Variants in RRM2 observed in about 807,000 individuals in gnomAD.
RRM2 encodes ribonucleoside-diphosphate reductase subunit M2.
A neutral mutation model predicts 45.9 loss-of-function variants in RRM2; 6 were observed. The ratio of observed to expected loss-of-function variants is 0.13; its 90% CI spans 0.07 to 0.26. The LOEUF is 0.26. Among genes scored for constraint, RRM2 ranks in the 10% least tolerant of loss-of-function variants. The pLI is 1.00. For missense variants in RRM2, 343 were observed against 489.5 expected, an observed-to-expected ratio of 0.70 and a Z score of 2.82; for synonymous variants, 177 against 173.0, an observed-to-expected ratio of 1.02 and a Z score of -0.18.
At chr2:10,180,505 T>C (rs1664023407) in intron 3 of RRM2, among the ~76,000 whole-genome samples, 1 of 152,190 alleles carries the variant, frequency 6.6e-6, no homozygotes, top group African/African-American at 2.4e-5. Flanking sequence ...GCATCAAATG[T>C]CAGCCACTGC....
At chr2:10,189,178 G>A (rs1572526049) in intron 3 of RRM2, among the ~76,000 whole-genome samples, 1 of 152,234 alleles carries the variant, frequency 6.6e-6, no homozygotes, top group African/African-American at 2.4e-5. Context: ...CCACCTGGCC[G>A]AGGAGGTGCT....
intron 3 of RRM2, among the ~76,000 whole-genome samples, chr2:10,181,261 C>T (rs1262744829): frequency 6.6e-6 from 1 of 152,180 alleles, no homozygotes; most frequent in Non-Finnish European, 1.5e-5. Flanking sequence ...TTAATTTGCC[C>T]AAAGACATGC....
chr2:10,123,901 T>C, intron 4 of RRM2, 49 bp downstream of exon 4: 1 of 1,018,956 alleles, frequency 9.8e-7, no homozygotes. Context: ...CGATCTGAGG[T>C]CGAACTAGTT....
chr2:10,152,115 A>G (rs1230320558), intron 3 of RRM2, among the ~76,000 whole-genome samples: 6 of 151,452 alleles, frequency 4.0e-5, no homozygotes, highest in African/African-American at 7.3e-5. Context: ...CGCCCAGCTA[A>G]TTTTTTGTAT....
intron 4 of RRM2, 145 bp from the exon 5 acceptor site, chr2:10,124,571 AT>A (rs1307918245): frequency 1.4e-5 from 12 of 864,556 alleles, no homozygotes; most frequent in Non-Finnish European, 2.1e-5. Context: ...ATGACATAAA[AT>A]ATCAAAGAAT....
chr2:10,157,495 C>T (rs1663459044), intron 3 of RRM2, among the ~76,000 whole-genome samples: 1 of 152,190 alleles, frequency 6.6e-6, no homozygotes, highest in Non-Finnish European at 1.5e-5. Flanking sequence ...TGGCTCCTCC[C>T]AGTCCTGACC....
chr2:10,190,245 ATGG>A (rs1320607819), intron 3 of RRM2, among the ~76,000 whole-genome samples: 9 of 141,694 alleles, frequency 6.4e-5, no homozygotes, highest in African/African-American at 8.0e-5. Context: ...GATGGTGGTG[ATGG>A]TGGTGGTGGT....
chr2:10,200,088 C>G (rs1476731124), intron 3 of RRM2, among the ~76,000 whole-genome samples: 1 of 152,174 alleles, frequency 6.6e-6, no homozygotes, highest in Non-Finnish European at 1.5e-5. Flanking sequence ...CCATGTCAGC[C>G]TCCCAAAGTG....
chr2:10,123,701 C>A (rs1382529794), intron 3 of RRM2, 35 bp from the exon 4 acceptor site: 1 of 1,450,792 alleles, frequency 6.9e-7, no homozygotes, highest in East Asian at 2.3e-5. Context: ...TTACTCTCTT[C>A]CTTTTATGCT....
chr2:10,122,696 G>A (rs1269493425), upstream of RRM2: 3 of 1,550,790 alleles, frequency 1.9e-6, no homozygotes, highest in East Asian at 4.9e-5. Context: ...CCGGGAGCGC[G>A]CGGCGCGGGA....
chr2:10,192,041 T>TC (rs1405713582), intron 3 of RRM2, among the ~76,000 whole-genome samples: 2 of 152,008 alleles, frequency 1.3e-5, no homozygotes, highest in Non-Finnish European at 2.9e-5. Context: ...CAGAGGGGAC[T>TC]CACCCAGAGG....
rs140094271 is a variant in RRM2 at position 10,123,130 on chromosome 2, C to T, written c.174+73C>T. The T allele has an allele frequency of 1.4e-5, 21 of 1,474,542 alleles. No homozygotes were observed. The African/African-American group carries it at 2.8e-4, about 20-fold the overall frequency. The allele number at this position is 1,474,542 out of a possible 1,614,324, so 91.3% of individuals were successfully genotyped here. A position where few individuals can be genotyped will look rare whatever the true frequency, so the allele number is the denominator to read the frequency against. ...CTTGGCGCCAAAGCCGCATTGTTTC[C>T]TCAGCTGTTCACACTCCCGCCCCGG... On this transcript the variant is annotated intron_variant, in intron 2 of 9. Coordinates refer to ENST00000304567, the MANE Select transcript of RRM2 (RefSeq NM_001034.4).
At chr2:10,160,272 A>G (rs901019486) in intron 3 of RRM2, among the ~76,000 whole-genome samples, 7 of 152,126 alleles carry the variant, frequency 4.6e-5, no homozygotes, top group African/African-American at 1.7e-4. Context: ...ATCAAATCCA[A>G]ATGCCTTCTG....
chr2:10,163,556 A>G (rs1038470941), intron 3 of RRM2, among the ~76,000 whole-genome samples: 25 of 152,184 alleles, frequency 1.6e-4, no homozygotes, highest in African/African-American at 5.8e-4. Context: ...GGTCTGCAAA[A>G]TGAGTGCTGT....
upstream of RRM2, among the ~76,000 whole-genome samples, chr2:10,140,313 A>G (rs1311314553): frequency 6.6e-6 from 1 of 152,226 alleles, no homozygotes; most frequent in Non-Finnish European, 1.5e-5. Context: ...TGAAATTCAA[A>G]TTTCAGGGCC....
intron 2 of RRM2, chr2:10,142,130 G>A: frequency 6.4e-7 from 1 of 1,564,074 alleles, no homozygotes; most frequent in Non-Finnish European, 8.7e-7. Context: ...CAAAGGCCCT[G>A]TGGCAGGCGC....
chr2:10,194,461 T>C (rs1260485714), intron 3 of RRM2, among the ~76,000 whole-genome samples: 13 of 152,172 alleles, frequency 8.5e-5, no homozygotes. Context: ...GGATGGGGTG[T>C]GTGTGTGAGG....
chr2:10,143,063 CAG>C (rs1663117919), intron 3 of RRM2, among the ~76,000 whole-genome samples: 3 of 152,174 alleles, frequency 2.0e-5, no homozygotes. Flanking sequence ...TTAGTAGAGA[CAG>C]AGTTTCACCG....
intron 3 of RRM2, among the ~76,000 whole-genome samples, chr2:10,170,078 G>A (rs753956430): frequency 1.6e-4 from 24 of 152,172 alleles, no homozygotes; most frequent in Admixed American, 5.9e-4. Context: ...AGGCTTTCCA[G>A]AGAGAAGGAG....
Sources: allele counts gnomAD v4.1 joint callset (sites outside exome capture counted in the v4.1 genomes callset), GRCh38; gene constraint gnomAD v4.1.1; transcripts MANE v1.5; gene names NCBI Gene and HGNC (gene_info 2026-07-23, HGNC 2026-07-21).